NGEF: variants seen among roughly 807,000 people sequenced by gnomAD.
The protein encoded by NGEF is neuronal guanine nucleotide exchange factor.
In NGEF, 31 loss-of-function variants were observed where a neutral mutation model predicts 80.9. The observed-to-expected ratio is 0.38, with a 90% CI of 0.29 to 0.52. The LOEUF (loss-of-function observed/expected upper bound fraction) is 0.52, where lower values mean the gene tolerates loss of function less well. Ranked by LOEUF, NGEF falls within the 20% of genes least tolerant of loss-of-function variation. NGEF has a pLI of 0.84. For missense variants in NGEF, 709 were observed against 926.2 expected (o/e 0.77, Z 3.04); for synonymous variants, 371 against 370.2 (o/e 1.00, Z -0.03).
At chr2:233,006,652 CT>C (rs1369792353) in intron 1 of NGEF, among the ~76,000 whole-genome samples, 10 of 152,168 alleles carry the variant, frequency 6.6e-5, no homozygotes, top group African/African-American at 2.2e-4. Flanking sequence ...GATCCTTTTT[CT>C]TTCTCATGGC....
In NGEF at chr2:232,910,784, C is replaced by T. The variant is rs189227720; in HGVS notation, c.828+9500G>A. ...CAAGTGTGTATTACTTTCTTGCCTT[C>T]TGTATATCTGCTTTGGTGAAGTATC... On this transcript the variant is annotated intron_variant, in intron 5 of 14. Transcript: ENST00000264051. Among the ~76,000 whole-genome samples the T allele has an allele frequency of 2.2e-3, 336 of 152,316 alleles. 1 individual carries two copies. Among genetic ancestry groups the T allele is most frequent in the Non-Finnish European group, 1.6e-3 (109 of 68,028 alleles).
intron 3 of NGEF, among the ~76,000 whole-genome samples, chr2:232,966,676 T>C (rs190113439): frequency 6.6e-6 from 1 of 152,150 alleles, no homozygotes; most frequent in Non-Finnish European, 1.5e-5. Context: ...AGTGTTAAAA[T>C]GCAGAAATAT....
intron 3 of NGEF, among the ~76,000 whole-genome samples, chr2:232,967,706 G>GGTGTGTGTGT (rs10686172): frequency 7.1e-4 from 105 of 148,450 alleles, no homozygotes; most frequent in Non-Finnish European, 8.9e-4. Flanking sequence ...ATAAAATAGG[G>GGTGTGTGTGT]GTGTGTGTGT....
intron 3 of NGEF, among the ~76,000 whole-genome samples, chr2:232,927,586 G>A (rs1028023878): frequency 1.3e-5 from 2 of 152,076 alleles, no homozygotes; most frequent in Admixed American, 6.5e-5. Flanking sequence ...CGATCCTCCC[G>A]TCCCCAGGCC....
intron 12 of NGEF, 144 bp from the exon 13 acceptor site, chr2:232,882,409 G>C (rs1691533105): frequency 2.7e-6 from 2 of 734,732 alleles, no homozygotes; most frequent in South Asian, 3.5e-5. Flanking sequence ...GGACAGCTCG[G>C]GGGAGCCACA....
intron 4 of NGEF, among the ~76,000 whole-genome samples, chr2:232,921,627 C>T (rs76759888): frequency 1.4e-5 from 2 of 139,664 alleles, no homozygotes; most frequent in Admixed American, 7.2e-5. Context: ...AGTTTTTCCT[C>T]TTTTTTTTTT....
At chr2:232,895,040 C>T in intron 5 of NGEF, 124 bp from the exon 6 acceptor site, 2 of 1,075,144 alleles carry the variant, frequency 1.9e-6, no homozygotes, top group Non-Finnish European at 2.7e-6. Context: ...ATCGCCTGCT[C>T]CTGGGGCCTG....
chr2:232,889,297 T>G (rs1023654508), intron 8 of NGEF, among the ~76,000 whole-genome samples: 4 of 152,218 alleles, frequency 2.6e-5, no homozygotes, highest in African/African-American at 7.2e-5. Context: ...GAGGGCAGTA[T>G]GGGTTCCTTA....
At chr2:233,000,715 G>A (rs1282844024) in intron 1 of NGEF, among the ~76,000 whole-genome samples, 4 of 150,798 alleles carry the variant, frequency 2.7e-5, no homozygotes, top group Non-Finnish European at 4.4e-5. Flanking sequence ...AGCCGAGATC[G>A]CGCCACTGCA....
At position 232,893,029 on chromosome 2, in the gene NGEF, G is replaced by C. The variant is rs779331699; in HGVS notation, c.1011C>G (p.His337Gln). The C allele has an allele frequency of 1.2e-6, 2 of 1,612,858 alleles. No homozygotes were observed. Among genetic ancestry groups the C allele is most frequent in the Non-Finnish European group, 1.7e-6 (2 of 1,179,648 alleles). ...VSERFLLELEHRMEENIVISD... is the reference protein window; with the variant it reads ...VSERFLLELEQRMEENIVISD... ...AGATGACGATGTTCTCCTCCATCCG[G>C]TGCTCCAGCTCCAGGAGGAACCTAC... Residue 337 changes from histidine to glutamine, a missense_variant, in exon 7 of 15, where the codon CAC becomes CAG. By Grantham distance (24) the His-to-Gln change is conservative. Coordinates refer to ENST00000264051, the MANE Select transcript of NGEF (RefSeq NM_019850.3).
intron 5 of NGEF, among the ~76,000 whole-genome samples, chr2:232,902,068 C>T (rs1052938564): frequency 2.0e-5 from 3 of 152,158 alleles, no homozygotes; most frequent in African/African-American, 2.4e-5. Flanking sequence ...GGGCGCAGGG[C>T]GCTCCCAAGC....
intron 10 of NGEF, chr2:232,885,073 A>G: frequency 1.7e-6 from 1 of 575,172 alleles, no homozygotes; most frequent in Middle Eastern, 4.8e-4. Flanking sequence ...CTCCCAGGAG[A>G]CAGATCCGGA....
chr2:232,953,720 G>A (rs923338325), intron 3 of NGEF, among the ~76,000 whole-genome samples: 5 of 152,052 alleles, frequency 3.3e-5, no homozygotes, highest in African/African-American at 1.2e-4. Flanking sequence ...AGGTGACTGG[G>A]GCCCGGGAGC....
At chr2:232,944,137 G>A (rs182094430) in intron 3 of NGEF, among the ~76,000 whole-genome samples, 331 of 152,148 alleles carry the variant, frequency 2.2e-3, no homozygotes, top group Non-Finnish European at 3.6e-3. Flanking sequence ...GGGAGGCTGA[G>A]GCAGGAGAAT....
chr2:232,888,744 C>T (rs1691787876), intron 8 of NGEF, among the ~76,000 whole-genome samples: 1 of 152,246 alleles, frequency 6.6e-6, no homozygotes, highest in African/African-American at 2.4e-5. Flanking sequence ...CCTCTCCTCC[C>T]TGGGACTGTC....
At chr2:232,887,027 G>C (rs184993362) in intron 9 of NGEF, among the ~76,000 whole-genome samples, 1 of 152,242 alleles carries the variant, frequency 6.6e-6, no homozygotes, top group Non-Finnish European at 1.5e-5. Context: ...GCCCGAGGTG[G>C]GAACCGACTG....
intron 3 of NGEF, among the ~76,000 whole-genome samples, chr2:232,959,942 C>T (rs997052675): frequency 1.3e-5 from 2 of 152,206 alleles, no homozygotes; most frequent in Non-Finnish European, 2.9e-5. Flanking sequence ...CCAGGTATGG[C>T]ACCAACCAGC....
At chr2:232,895,185 T>G (rs190979929) in intron 5 of NGEF, among the ~76,000 whole-genome samples, 101 of 152,222 alleles carry the variant, frequency 6.6e-4, no homozygotes, top group South Asian at 1.9e-3. Context: ...CTTACCATAC[T>G]GACAACTGGA....
intron 5 of NGEF, among the ~76,000 whole-genome samples, chr2:232,918,679 G>A (rs1692866448): frequency 1.4e-5 from 2 of 144,348 alleles, no homozygotes; most frequent in South Asian, 4.4e-4. Flanking sequence ...TTGTCACCCA[G>A]GCTGGAGTGC....
Sources: gnomAD v4.1 joint callset for allele counts (sites outside exome capture counted in the v4.1 genomes callset) on GRCh38, gnomAD v4.1.1 for gene constraint, MANE v1.5 for transcripts, NCBI Gene and HGNC (gene_info 2026-07-23, HGNC 2026-07-21) for gene names.